AUTS2: variants seen among roughly 807,000 people sequenced by gnomAD.
AUTS2 encodes autism susceptibility gene 2 protein.
In AUTS2, 17 loss-of-function variants were observed where a neutral mutation model predicts 112.4. The observed-to-expected ratio is 0.15, with a 90% CI of 0.10 to 0.23. The LOEUF (loss-of-function observed/expected upper bound fraction) is 0.23. Among genes scored for constraint, AUTS2 ranks in the 10% least tolerant of loss-of-function variants. The pLI is 1.00. For synonymous variants in AUTS2, 751 were observed against 702.7 expected (o/e 1.07, Z -1.09); for missense variants, 1,510 against 1,701.6 (o/e 0.89, Z 1.98).
At chr7:70,722,829 T>C (rs910893754) in intron 6 of AUTS2, among the ~76,000 whole-genome samples, 1 of 152,208 alleles carries the variant, frequency 6.6e-6, no homozygotes, top group African/African-American at 2.4e-5. Flanking sequence ...ATTCAAACTG[T>C]TGAGTATTTT....
intron 2 of AUTS2, among the ~76,000 whole-genome samples, chr7:70,039,092 C>T (rs13228050): frequency 0.012 from 1,812 of 151,864 alleles, 12 homozygotes; most frequent in Middle Eastern, 0.027. Context: ...GTTATAAGAC[C>T]CACAAACCTT....
intron 4 of AUTS2, among the ~76,000 whole-genome samples, chr7:70,330,154 C>G (rs1485024910): frequency 6.6e-6 from 1 of 152,042 alleles, no homozygotes. Context: ...TCTGTTTTTT[C>G]TTTTGTTGTT....
intron 6 of AUTS2, among the ~76,000 whole-genome samples, chr7:70,737,628 C>G (rs573045536): frequency 6.6e-6 from 1 of 152,304 alleles, no homozygotes; most frequent in East Asian, 1.9e-4. Flanking sequence ...CTTAAACTCA[C>G]GGACCACAGT....
intron 1 of AUTS2, among the ~76,000 whole-genome samples, chr7:69,850,180 T>C (rs549545134): frequency 1.3e-5 from 2 of 151,352 alleles, no homozygotes; most frequent in East Asian, 3.9e-4. Flanking sequence ...GCGCCTGTAG[T>C]CCCAGCTACT....
chr7:69,843,790 C>G (rs1040007596), intron 1 of AUTS2, among the ~76,000 whole-genome samples: 3 of 152,140 alleles, frequency 2.0e-5, no homozygotes, highest in Admixed American at 2.0e-4. Context: ...GGTAAACATG[C>G]TGTGTCCATT....
intron 1 of AUTS2, among the ~76,000 whole-genome samples, chr7:69,607,992 T>C (rs1222649753): frequency 6.6e-6 from 1 of 152,142 alleles, no homozygotes; most frequent in Non-Finnish European, 1.5e-5. Context: ...TGGAGTGCAG[T>C]GGTATGCTCA....
At chr7:69,739,309 A>G (rs1462562589) in intron 1 of AUTS2, among the ~76,000 whole-genome samples, 8 of 152,114 alleles carry the variant, frequency 5.3e-5, no homozygotes, top group South Asian at 2.1e-4. Flanking sequence ...AACCACTTCT[A>G]TTACTAATAA....
intron 1 of AUTS2, among the ~76,000 whole-genome samples, chr7:69,697,838 A>G (rs1447426551): frequency 6.6e-6 from 1 of 152,236 alleles, no homozygotes; most frequent in Non-Finnish European, 1.5e-5. Context: ...GACAGCTTCA[A>G]AAATTCATGA....
chr7:69,685,709 G>A (rs1369871970), intron 1 of AUTS2, among the ~76,000 whole-genome samples: 1 of 151,768 alleles, frequency 6.6e-6, no homozygotes, highest in Admixed American at 6.6e-5. Flanking sequence ...CTAAAGAAAG[G>A]ATCCATGCCC....
chr7:70,131,094 G>A (rs1806248280), intron 3 of AUTS2, among the ~76,000 whole-genome samples: 1 of 152,038 alleles, frequency 6.6e-6, no homozygotes, highest in Non-Finnish European at 1.5e-5. Context: ...TTGCTATATA[G>A]TTTGGACAGA....
At chr7:69,724,296 CTA>C (rs1278252406) in intron 1 of AUTS2, among the ~76,000 whole-genome samples, 3 of 152,170 alleles carry the variant, frequency 2.0e-5, no homozygotes, top group Admixed American at 6.5e-5. Context: ...CTTTTAATAA[CTA>C]TGTGAGGAAA....
chr7:70,208,597 T>A (rs186976016), intron 4 of AUTS2, among the ~76,000 whole-genome samples: 417 of 152,224 alleles, frequency 2.7e-3, no homozygotes, highest in South Asian at 8.1e-3. Context: ...AACAGAAGCC[T>A]TGCTGTCAAA....
intron 1 of AUTS2, among the ~76,000 whole-genome samples, chr7:69,695,344 T>A (rs186747273): frequency 0.051 from 7,707 of 151,800 alleles, 223 homozygotes; most frequent in Middle Eastern, 0.078. Flanking sequence ...AGAAAAAAAA[T>A]TTTTTTAAAA....
chr7:70,734,503 C>T lies in AUTS2; in HGVS notation c.743-28367C>T, dbSNP rs890887885. On this transcript the variant is annotated intron_variant, in intron 6 of 18. Transcript: ENST00000342771. ...TAGTATGGGGATACATTGTCCCCTC[C>T]CCCCTTTTTCTCTCAGTTAAAAATC... is the stretch of plus-strand genomic sequence containing the variant. 1.3e-5 allele frequency among the ~76,000 whole-genome samples: 2 copies of T among 151,932 alleles called. 1 individual carries two copies. Among genetic ancestry groups the T allele is most frequent in the Non-Finnish European group, 2.9e-5 (2 of 67,986 alleles).
intron 1 of AUTS2, among the ~76,000 whole-genome samples, chr7:69,699,277 T>C (rs1396837421): frequency 6.6e-6 from 1 of 152,174 alleles, no homozygotes; most frequent in African/African-American, 2.4e-5. Context: ...AATGTCTCAC[T>C]CTCATCCCTG....
intron 5 of AUTS2, among the ~76,000 whole-genome samples, chr7:70,639,507 T>C (rs1805696869): frequency 7.0e-6 from 1 of 142,474 alleles, no homozygotes; most frequent in South Asian, 2.3e-4. Flanking sequence ...TCTCAGCTAC[T>C]GGGGGGGTGG....
intron 1 of AUTS2, among the ~76,000 whole-genome samples, chr7:69,776,276 A>G (rs906654917): frequency 6.6e-6 from 1 of 152,252 alleles, no homozygotes; most frequent in Non-Finnish European, 1.5e-5. Context: ...TCTACATCCT[A>G]TATGGACTGT....
intron 5 of AUTS2, among the ~76,000 whole-genome samples, chr7:70,440,976 A>G (rs1361377662): frequency 2.0e-5 from 3 of 152,194 alleles, no homozygotes; most frequent in Non-Finnish European, 4.4e-5. Flanking sequence ...TAAATGTCAA[A>G]GGGAAACATG....
At chr7:69,847,293 A>T (rs886416221) in intron 1 of AUTS2, among the ~76,000 whole-genome samples, 5 of 152,198 alleles carry the variant, frequency 3.3e-5, no homozygotes, top group African/African-American at 1.2e-4. Flanking sequence ...GAGCGTGTGG[A>T]TAGAGAGAGG....
Sources: allele counts gnomAD v4.1 joint callset (sites outside exome capture counted in the v4.1 genomes callset), GRCh38; gene constraint gnomAD v4.1.1; transcripts MANE v1.5; gene names NCBI Gene and HGNC (gene_info 2026-07-23, HGNC 2026-07-21).